Variants in LPP observed in about 807,000 individuals in gnomAD.
LPP encodes LIM domain containing preferred translocation partner in lipoma.
A neutral mutation model predicts 60.4 loss-of-function variants in LPP; 38 were observed. The ratio of observed to expected loss-of-function variants is 0.63; its 90% CI spans 0.49 to 0.83. The LOEUF is 0.83. Among genes scored for constraint, LPP ranks in the 40% least tolerant of loss-of-function variants. The probability of loss-of-function intolerance (pLI) is 0.00; values close to 1 mark genes in which losing one functional copy is unlikely to be tolerated. For missense variants in LPP, 902 were observed against 783.6 expected, an observed-to-expected ratio of 1.15 and a Z score of -1.80; for synonymous variants, 328 against 290.8, an observed-to-expected ratio of 1.13 and a Z score of -1.30.
chr3:188,243,783 C>T (rs768561350), intron 2 of LPP, among the ~76,000 whole-genome samples: 19 of 152,182 alleles, frequency 1.2e-4, no homozygotes, highest in Non-Finnish European at 2.6e-4. Context: ...GTAATTTCTT[C>T]ACTGTGGAAA....
At chr3:188,759,185 G>T (rs1327665833) in intron 8 of LPP, 1 of 152,182 alleles carries the variant, frequency 6.6e-6, no homozygotes, top group African/African-American at 2.4e-5. Flanking sequence ...ATAACTATTT[G>T]TCTGAATTTA....
At position 188,298,993 on chromosome 3, in the gene LPP, C is replaced by G. The variant is rs112852228; in HGVS notation, c.-66-42670C>G. Among the ~76,000 whole-genome samples, 38 of 152,224 alleles carry G rather than the reference C, an allele frequency of 2.5e-4. 1 individual carries two copies. Among genetic ancestry groups the G allele is most frequent in the African/African-American group, 8.9e-4 (37 of 41,544 alleles). Reference sequence around the variant, plus strand: ...CTCTTGCCCCAGGCCCTAAGCAGGCCCAGACTTTTCCCATATACACACACT... The same window carrying G: ...CTCTTGCCCCAGGCCCTAAGCAGGCGCAGACTTTTCCCATATACACACACT... On this transcript the variant is annotated intron_variant, in intron 2 of 11. Coordinates refer to ENST00000617246, the MANE Select transcript of LPP (RefSeq NM_001375462.1).
intron 1 of LPP, among the ~76,000 whole-genome samples, chr3:188,191,158 A>C (rs1728063661): frequency 6.6e-6 from 1 of 152,242 alleles, no homozygotes; most frequent in African/African-American, 2.4e-5. Context: ...TGAACCCAGG[A>C]GGCCAAGGTT....
intron 7 of LPP, among the ~76,000 whole-genome samples, chr3:188,654,810 G>A (rs1852814296): frequency 6.6e-6 from 1 of 152,066 alleles, no homozygotes; most frequent in African/African-American, 2.4e-5. Context: ...AATTCCAGAG[G>A]ACTCCAACCT....
chr3:188,199,308 C>T (rs1441069578), intron 1 of LPP, among the ~76,000 whole-genome samples: 1 of 152,046 alleles, frequency 6.6e-6, no homozygotes, highest in African/African-American at 2.4e-5. Flanking sequence ...TAGTCCCCAA[C>T]TCGCTTAGAT....
At chr3:188,261,033 A>G (rs186308770) in intron 2 of LPP, among the ~76,000 whole-genome samples, 15 of 152,260 alleles carry the variant, frequency 9.9e-5, no homozygotes, top group Admixed American at 9.8e-4. Context: ...AGATAGTGTC[A>G]CTGCACTCCA....
intron 6 of LPP, among the ~76,000 whole-genome samples, chr3:188,596,039 T>C (rs1374066827): frequency 6.6e-6 from 1 of 152,196 alleles, no homozygotes; most frequent in Non-Finnish European, 1.5e-5. Flanking sequence ...GGGCATTTGC[T>C]GAACCTGCTC....
chr3:188,544,623 T>C (rs1013259804), intron 6 of LPP, among the ~76,000 whole-genome samples: 1 of 127,498 alleles, frequency 7.8e-6, no homozygotes, highest in Non-Finnish European at 1.6e-5. Flanking sequence ...GGAGAGGATG[T>C]GGAGAAATAG....
At chr3:188,251,698 C>G (rs1450159551) in intron 2 of LPP, among the ~76,000 whole-genome samples, 2 of 151,988 alleles carry the variant, frequency 1.3e-5, no homozygotes, top group African/African-American at 4.8e-5. Flanking sequence ...TAACCCTGCC[C>G]AAGACTGAGG....
intron 6 of LPP, among the ~76,000 whole-genome samples, chr3:188,581,200 A>T (rs1276300065): frequency 6.6e-6 from 1 of 152,044 alleles, no homozygotes; most frequent in Non-Finnish European, 1.5e-5. Context: ...GGGCAAAAAA[A>T]GTCCAGGAAG....
At chr3:188,170,587 T>C (rs1721315588) in intron 1 of LPP, among the ~76,000 whole-genome samples, 1 of 151,970 alleles carries the variant, frequency 6.6e-6, no homozygotes, top group Non-Finnish European at 1.5e-5. Context: ...CGCCTCGATC[T>C]CACAAAGTGC....
At position 188,270,742 on chromosome 3, in the gene LPP, A is replaced by T. The variant is rs571530008; in HGVS notation, c.-67+45215A>T. Among the ~76,000 whole-genome samples, 46 of 152,350 alleles carry T rather than the reference A, an allele frequency of 3.0e-4. No homozygotes were observed. The East Asian group carries it at 8.7e-3, about 29-fold the overall frequency. On this transcript the variant is annotated intron_variant, in intron 2 of 11. Coordinates refer to ENST00000617246, the MANE Select transcript of LPP (RefSeq NM_001375462.1). ...ATGAACTGTGAAGTTTTGAGAAAGA[A>T]GCTAATGTTCCAAGCATCTGCCACA... is the stretch of plus-strand genomic sequence containing the variant.
At chr3:188,798,588 A>G (rs1298598207) in intron 9 of LPP, among the ~76,000 whole-genome samples, 2 of 152,302 alleles carry the variant, frequency 1.3e-5, no homozygotes, top group East Asian at 3.9e-4. Context: ...TGCCCTGGAC[A>G]TACTGCAGTT....
chr3:188,294,163 C>T lies in LPP; in HGVS notation c.-66-47500C>T, dbSNP rs149876128. On this transcript the variant is annotated intron_variant, in intron 2 of 11. Transcript: ENST00000617246. ...ATAGGCAAATCTATAGAGTCTGTAG[C>T]GATAGAAAGTAGTGGTTGCCGGCAG... Among the ~76,000 whole-genome samples, 1,217 of 150,072 alleles carry T rather than the reference C, an allele frequency of 8.1e-3. 8 individuals are homozygous for T. Among genetic ancestry groups the T allele is most frequent in the Middle Eastern group, 0.041 (12 of 290 alleles).
At chr3:188,755,713 G>C (rs1003350828) in intron 8 of LPP, among the ~76,000 whole-genome samples, 4 of 151,310 alleles carry the variant, frequency 2.6e-5, no homozygotes, top group African/African-American at 4.9e-5. Context: ...CAAGGGCTGA[G>C]GGAGGAGGAT....
intron 7 of LPP, among the ~76,000 whole-genome samples, chr3:188,658,305 T>C (rs6797287): frequency 0.98 from 149,818 of 152,210 alleles, 73,773 homozygotes; most frequent in East Asian, 1. Flanking sequence ...CCACCACACC[T>C]AGCTAATTTT....
intron 2 of LPP, among the ~76,000 whole-genome samples, chr3:188,264,257 TTGTG>T (rs141464174): frequency 1.3e-5 from 2 of 151,224 alleles, no homozygotes; most frequent in East Asian, 3.9e-4. Context: ...AACATTAGTT[TTGTG>T]TGTGTGTGTG....
intron 9 of LPP, among the ~76,000 whole-genome samples, chr3:188,815,670 T>G (rs1007906044): frequency 1.3e-5 from 2 of 152,208 alleles, no homozygotes; most frequent in South Asian, 4.1e-4. Context: ...TTCTGTTGTA[T>G]GTGTGTTGTG....
chr3:188,535,893 C>T (rs1444664104), intron 6 of LPP, among the ~76,000 whole-genome samples: 10 of 152,068 alleles, frequency 6.6e-5, no homozygotes, highest in African/African-American at 2.4e-4. Context: ...TGATAAATTC[C>T]TTATATTCAG....
Sources: allele counts gnomAD v4.1 joint callset (sites outside exome capture counted in the v4.1 genomes callset), GRCh38; gene constraint gnomAD v4.1.1; transcripts MANE v1.5; gene names NCBI Gene and HGNC (gene_info 2026-07-23, HGNC 2026-07-21).